RASGRP3: variants seen among roughly 807,000 people sequenced by gnomAD.
RASGRP3 encodes the protein ras guanyl-releasing protein 3.
In RASGRP3, 54 loss-of-function variants were observed where a neutral mutation model predicts 82.7. That is an observed-to-expected ratio of 0.65 (90% CI 0.52 to 0.82). The LOEUF is 0.82. Ranked by LOEUF, RASGRP3 falls within the 40% of genes least tolerant of loss-of-function variation. RASGRP3 has a pLI of 0.00. For missense variants in RASGRP3, 861 were observed against 828.9 expected, an observed-to-expected ratio of 1.04 and a Z score of -0.48; for synonymous variants, 309 against 300.5, an observed-to-expected ratio of 1.03 and a Z score of -0.29.
intron 1 of RASGRP3, among the ~76,000 whole-genome samples, chr2:33,447,519 T>C (rs554809977): frequency 6.6e-6 from 1 of 152,042 alleles, no homozygotes; most frequent in African/African-American, 2.4e-5. Context: ...CACTGCAACC[T>C]TCGCCTCCTG....
At chr2:33,493,408 T>G (rs1669029776) in intron 1 of RASGRP3, among the ~76,000 whole-genome samples, 1 of 152,056 alleles carries the variant, frequency 6.6e-6, no homozygotes, top group Non-Finnish European at 1.5e-5. Flanking sequence ...GCTGTCAGAG[T>G]GAGTCTGGAC....
Position 33,546,202 on chromosome 2 carries a change from T to C in RASGRP3, c.1394+2575T>C, listed in dbSNP as rs1674724956. On this transcript the variant is annotated intron_variant, in intron 13 of 17. Coordinates refer to ENST00000403687, the MANE Select transcript of RASGRP3 (RefSeq NM_001139488.2). ...ACTTTGGGAGGCTGAGGTGGGTGGA[T>C]CACGATGTCAGGAGATCAAGACCAT... Among the ~76,000 whole-genome samples the C allele has an allele frequency of 2.0e-5, 3 of 151,480 alleles. 1 individual carries two copies. In the South Asian group the frequency reaches 6.2e-4, roughly 31 times the overall value.
chr2:33,472,300 G>C (rs114948455), upstream of RASGRP3, among the ~76,000 whole-genome samples: 2 of 152,152 alleles, frequency 1.3e-5, no homozygotes, highest in African/African-American at 4.8e-5. Flanking sequence ...AAATGCAACC[G>C]CAGCGAAATG....
At chr2:33,545,375 AAAGGAACT>A (rs1336882946) in intron 13 of RASGRP3, among the ~76,000 whole-genome samples, 3 of 152,248 alleles carry the variant, frequency 2.0e-5, no homozygotes, top group African/African-American at 7.2e-5. Context: ...TACTTTTGAA[AAAGGAACT>A]AAGTAGTCAC....
intron 1 of RASGRP3, among the ~76,000 whole-genome samples, chr2:33,443,536 T>G (rs537537912): frequency 6.6e-6 from 1 of 152,198 alleles, no homozygotes; most frequent in East Asian, 1.9e-4. Flanking sequence ...CGGCAGCAGC[T>G]CTGACTTCCA....
intron 1 of RASGRP3, among the ~76,000 whole-genome samples, chr2:33,480,464 A>G (rs1469447817): frequency 1.3e-5 from 2 of 152,134 alleles, no homozygotes; most frequent in East Asian, 3.8e-4. Flanking sequence ...ATTGCCTCCA[A>G]TCCTTGCTAG....
upstream of RASGRP3, among the ~76,000 whole-genome samples, chr2:33,472,163 G>A (rs1416898671): frequency 6.6e-6 from 1 of 152,064 alleles, no homozygotes; most frequent in African/African-American, 2.4e-5. Flanking sequence ...TTTCCACCAT[G>A]TGTCTCATAC....
chr2:33,519,927 G>A, intron 4 of RASGRP3, 25 bp from the exon 5 acceptor site: 1 of 1,587,016 alleles, frequency 6.3e-7, no homozygotes, highest in Non-Finnish European at 8.6e-7. Flanking sequence ...GAGGTGCAAG[G>A]ATTTTTTTTC....
chr2:33,500,712 G>A (rs1430843094), intron 1 of RASGRP3, among the ~76,000 whole-genome samples: 4 of 152,154 alleles, frequency 2.6e-5, no homozygotes, highest in African/African-American at 9.7e-5. Flanking sequence ...GAGGCAGGCG[G>A]ATCACAAGGT....
rs1370424053 is a variant in RASGRP3 at position 33,556,437 on chromosome 2, C to T, written c.1579+870C>T. Among the ~76,000 whole-genome samples the T allele has an allele frequency of 4.0e-5, 4 of 100,052 alleles. 1 individual carries two copies. The highest frequency in any genetic ancestry group is 2.0e-4 in the Admixed American group (2 of 10,164). The allele number at this position is 100,052 out of a possible 152,430, so 65.6% of individuals were successfully genotyped here. ...TAATTTTTTGTATTTTTAGTAGAGA[C>T]GGGGTTTCACCTTGTTAGCCAGGAT... is the stretch of plus-strand genomic sequence containing the variant. On this transcript the variant is annotated intron_variant, in intron 15 of 17. Transcript: ENST00000403687.
intron 2 of RASGRP3, among the ~76,000 whole-genome samples, chr2:33,448,405 C>G (rs1665613050): frequency 6.6e-6 from 1 of 152,094 alleles, no homozygotes; most frequent in African/African-American, 2.4e-5. Flanking sequence ...CACAACCAGA[C>G]ACAACCCACA....
intron 2 of RASGRP3, among the ~76,000 whole-genome samples, chr2:33,455,793 G>T (rs1666005989): frequency 6.6e-6 from 1 of 152,184 alleles, no homozygotes. Context: ...ATTCCTTAAA[G>T]GAGTTCTAGC....
intron 1 of RASGRP3, among the ~76,000 whole-genome samples, chr2:33,507,240 C>T (rs1290454635): frequency 1.3e-5 from 2 of 152,044 alleles, no homozygotes; most frequent in Non-Finnish European, 2.9e-5. Context: ...ACTAAAAATA[C>T]AAAAATTAGC....
chr2:33,445,880 G>C (rs1363434153), intron 1 of RASGRP3, among the ~76,000 whole-genome samples: 6 of 152,136 alleles, frequency 3.9e-5, no homozygotes, highest in African/African-American at 4.8e-5. Context: ...AGGGACAAGC[G>C]TAAGAGATAA....
chr2:33,536,099 T>C (rs1380422994), intron 11 of RASGRP3, among the ~76,000 whole-genome samples: 1 of 151,886 alleles, frequency 6.6e-6, no homozygotes, highest in East Asian at 1.9e-4. Flanking sequence ...GGTCAGGAGT[T>C]TGAGACCAGC....
At chr2:33,451,169 T>G (rs944199198) in intron 2 of RASGRP3, among the ~76,000 whole-genome samples, 2 of 152,108 alleles carry the variant, frequency 1.3e-5, no homozygotes, top group Non-Finnish European at 2.9e-5. Flanking sequence ...CAGCTGAGCA[T>G]TTTTTCATAT....
chr2:33,546,931 GTGACACATGTCGGAGGC>G (rs1398597545), intron 13 of RASGRP3, among the ~76,000 whole-genome samples: 1 of 151,758 alleles, frequency 6.6e-6, no homozygotes, highest in African/African-American at 2.4e-5. Context: ...GCCGGGCGTG[GTGACACATGTCGGAGGC>G]TGAGGCAGGA....
intron 15 of RASGRP3, 68 bp from the exon 16 acceptor site, chr2:33,558,143 G>A: frequency 6.4e-7 from 1 of 1,561,136 alleles, no homozygotes; most frequent in South Asian, 1.2e-5. Context: ...GACAAATCAA[G>A]TGCCACCCTG....
At chr2:33,544,108 G>A (rs1256156723) in intron 13 of RASGRP3, among the ~76,000 whole-genome samples, 2 of 152,168 alleles carry the variant, frequency 1.3e-5, no homozygotes, top group African/African-American at 2.4e-5. Context: ...GAGGCCAGGA[G>A]TTAAAGACCA....
Sources: allele counts gnomAD v4.1 joint callset (sites outside exome capture counted in the v4.1 genomes callset), GRCh38; gene constraint gnomAD v4.1.1; transcripts MANE v1.5; gene names NCBI Gene and HGNC (gene_info 2026-07-23, HGNC 2026-07-21).